LYPD6B: variants seen among roughly 807,000 people sequenced by gnomAD.
LYPD6B encodes the protein LY6/PLAUR domain containing 6B.
LYPD6B carries 17 observed loss-of-function variants against 22.8 expected under a neutral mutation model. The ratio of observed to expected loss-of-function variants is 0.75; its 90% confidence interval spans 0.51 to 1.12. The LOEUF (loss-of-function observed/expected upper bound fraction) is 1.12, where lower values mean the gene tolerates loss of function less well. Ranked by LOEUF, LYPD6B falls within the 50% of genes most tolerant of loss-of-function variation. The pLI, the probability that LYPD6B is intolerant of heterozygous loss-of-function variation, is 0.00. For synonymous variants in LYPD6B, 106 were observed against 91.6 expected, an observed-to-expected ratio of 1.16 and a Z score of -0.90; for missense variants, 221 against 258.3, an observed-to-expected ratio of 0.86 and a Z score of 0.99.
intron 1 of LYPD6B, among the ~76,000 whole-genome samples, chr2:149,039,838 G>A (rs146600495): frequency 3.9e-5 from 6 of 152,294 alleles, no homozygotes; most frequent in Admixed American, 3.9e-4. Context: ...GCAGATGGAG[G>A]GGGTGTTGTC....
At chr2:149,202,521 G>T (rs767118689) in intron 3 of LYPD6B, among the ~76,000 whole-genome samples, 25 of 152,154 alleles carry the variant, frequency 1.6e-4, no homozygotes, top group Non-Finnish European at 3.4e-4. Context: ...CCTTGTCTGT[G>T]TAAAGTAGCA....
At chr2:149,059,748 A>G (rs1385701031) in intron 1 of LYPD6B, among the ~76,000 whole-genome samples, 2 of 152,192 alleles carry the variant, frequency 1.3e-5, no homozygotes, top group Non-Finnish European at 2.9e-5. Flanking sequence ...CTACTCAGAC[A>G]AGAGCTGAGC....
intron 2 of LYPD6B, among the ~76,000 whole-genome samples, chr2:149,149,223 T>C (rs141065764): frequency 1.2e-4 from 18 of 152,312 alleles, no homozygotes; most frequent in Admixed American, 6.5e-4. Flanking sequence ...ACCAACCTAA[T>C]AGAAAGAACT....
rs1454802925 is a variant in LYPD6B, at chr2:149,175,061, C to CTCTCTCTCTGTGTGTG, written c.77+14227_77+14228insCTCTCTCTGTGTGTGT. On this transcript the variant is annotated intron_variant, in intron 3 of 6. Coordinates refer to ENST00000409642, the MANE Select transcript of LYPD6B (RefSeq NM_177964.5). ...TCTCTCTCTCTCTCTCTCTCTCTCT[C>CTCTCTCTCTGTGTGTG]TGTGTGTGTGTGTGTGTGTGTGTGT... Among the ~76,000 whole-genome samples, 861 of 112,902 alleles carry CTCTCTCTCTGTGTGTG rather than the reference C, an allele frequency of 7.6e-3. 9 individuals are homozygous for CTCTCTCTCTGTGTGTG. Among genetic ancestry groups the CTCTCTCTCTGTGTGTG allele is most frequent in the Non-Finnish European group, 0.012 (681 of 54,874 alleles). 74.1% of individuals were successfully genotyped at this position (112,902 alleles called of 152,430 possible).
intron 3 of LYPD6B, among the ~76,000 whole-genome samples, chr2:149,175,057 C>CTGTGTGTGTGTGTG (rs1480516583): frequency 7.9e-6 from 1 of 127,386 alleles, no homozygotes; most frequent in African/African-American, 2.8e-5. Flanking sequence ...CTCTCTCTCT[C>CTGTGTGTGTGTGTG]TCTCTGTGTG....
chr2:149,164,774 G>T (rs1160893118), intron 3 of LYPD6B, among the ~76,000 whole-genome samples: 3 of 152,154 alleles, frequency 2.0e-5, no homozygotes, highest in Non-Finnish European at 2.9e-5. Flanking sequence ...TAAGAGCTTG[G>T]AAACACCTTG....
At chr2:149,041,098 C>CA (rs552623435) in intron 1 of LYPD6B, among the ~76,000 whole-genome samples, 2,812 of 110,300 alleles carry the variant, frequency 0.025, 101 homozygotes, top group African/African-American at 0.09. Flanking sequence ...GACTCCGTCT[C>CA]AAAAAAAAAA....
At chr2:149,147,796 G>T (rs927246472) in intron 2 of LYPD6B, among the ~76,000 whole-genome samples, 2 of 152,132 alleles carry the variant, frequency 1.3e-5, no homozygotes, top group East Asian at 3.8e-4. Context: ...TTATAGGTGT[G>T]AGCCACTGCG....
intron 2 of LYPD6B, among the ~76,000 whole-genome samples, chr2:149,160,143 T>G (rs1374128054): frequency 6.6e-6 from 1 of 151,980 alleles, no homozygotes; most frequent in African/African-American, 2.4e-5. Flanking sequence ...CAGAGTGAGA[T>G]CCCATCTCTT....
At chr2:149,106,378 A>C (rs1388686357) in intron 1 of LYPD6B, among the ~76,000 whole-genome samples, 2 of 152,142 alleles carry the variant, frequency 1.3e-5, no homozygotes, top group Non-Finnish European at 2.9e-5. Context: ...CATTTGGTAG[A>C]ATTTGCCAGT....
At position 149,048,050 on chromosome 2, in the gene LYPD6B, C is replaced by T. The variant is rs1482777; in HGVS notation, c.-67+9249C>T. ...TTCAGATTGTCTACCCTTTCCACTA[C>T]GGACTTTTATAATTAATTTTGGTTA... On this transcript the variant is annotated intron_variant, in intron 1 of 6. Transcript: ENST00000409642. Among the ~76,000 whole-genome samples, 962 of 152,260 alleles carry T rather than the reference C, an allele frequency of 6.3e-3. 16 individuals are homozygous for T. Among genetic ancestry groups the T allele is most frequent in the African/African-American group, 0.021 (881 of 41,552 alleles).
intron 5 of LYPD6B, among the ~76,000 whole-genome samples, chr2:149,211,015 G>A (rs1251214913): frequency 6.6e-6 from 1 of 152,178 alleles, no homozygotes. Context: ...TGGCTTCTGG[G>A]GAGGGCTCAG....
chr2:149,191,026 T>A (rs1692454150), intron 3 of LYPD6B, among the ~76,000 whole-genome samples: 1 of 152,136 alleles, frequency 6.6e-6, no homozygotes, highest in Non-Finnish European at 1.5e-5. Flanking sequence ...ATACATTTTA[T>A]CATGAACAAT....
Position 149,212,380 on chromosome 2 carries a change from CAAAAAA to C in LYPD6B, c.329-593_329-588del, listed in dbSNP as rs386391473. Among the ~76,000 whole-genome samples, 53 of 60,120 alleles carry C rather than the reference CAAAAAA, an allele frequency of 8.8e-4. 1 individual carries two copies. The highest frequency in any genetic ancestry group is 2.9e-3 in the African/African-American group (38 of 13,324). 39.4% of individuals were successfully genotyped at this position (60,120 alleles called of 152,430 possible). On this transcript the variant is annotated intron_variant, in intron 5 of 6. Transcript: ENST00000409642. ...CTGGGGACAGAGTAAGACTCCGTCT[CAAAAAA>C]AAAAAAAAAAAAAAAAAAGAAATTA...
intron 1 of LYPD6B, among the ~76,000 whole-genome samples, chr2:149,064,033 C>T (rs1402857888): frequency 1.3e-5 from 2 of 152,194 alleles, no homozygotes; most frequent in Non-Finnish European, 2.9e-5. Context: ...TAATAGCTAC[C>T]ATTTATTGAA....
intron 1 of LYPD6B, among the ~76,000 whole-genome samples, chr2:149,063,890 T>C (rs1216448335): frequency 3.9e-5 from 6 of 152,218 alleles, no homozygotes; most frequent in Admixed American, 6.5e-5. Context: ...TTAAAACTTC[T>C]ATATAAAAGA....
At position 149,157,153 on chromosome 2, in the gene LYPD6B, C is replaced by A. The variant is rs547996498; in HGVS notation, c.6-3611C>A. 2.0e-5 allele frequency among the ~76,000 whole-genome samples: 3 copies of A among 152,230 alleles called. No homozygotes were observed. In the South Asian group the frequency reaches 6.2e-4, roughly 32 times the overall value. Reference sequence around the variant, plus strand: ...GCTCCTGATTAGGCTAGCTTGAGATCCTTTGTATTAGCATCCTAGTTTCAG... The same window carrying A: ...GCTCCTGATTAGGCTAGCTTGAGATACTTTGTATTAGCATCCTAGTTTCAG... On this transcript the variant is annotated intron_variant, in intron 2 of 6. Coordinates refer to ENST00000409642, the MANE Select transcript of LYPD6B (RefSeq NM_177964.5).
chr2:149,205,366 A>G lies in LYPD6B; in HGVS notation c.191A>G (p.Lys64Arg), dbSNP rs571544616. The G allele has an allele frequency of 2.4e-5, 39 of 1,614,010 alleles. No individual in the cohort carries two copies. In the African/African-American group the frequency reaches 3.3e-4, roughly 14 times the overall value. ...TTCTCAGAAAGCTGGGCATTTGCCA[A>G]GAACATCAACTTCTATAATGTGAGG... ...VIFSESWAFAKNINFYNVRPP... is the reference protein window; with the variant it reads ...VIFSESWAFARNINFYNVRPP... Residue 64 changes from lysine to arginine, a missense_variant, in exon 4 of 7, where the codon AAG becomes AGG. Coordinates refer to ENST00000409642, the MANE Select transcript of LYPD6B (RefSeq NM_177964.5).
chr2:149,160,500 A>T (rs1410944773), intron 2 of LYPD6B: 4 of 572,404 alleles, frequency 7.0e-6, no homozygotes, highest in African/African-American at 3.7e-5. Flanking sequence ...TTCACCAATT[A>T]TTACCATTCT....
Sources: allele counts gnomAD v4.1 joint callset (sites outside exome capture counted in the v4.1 genomes callset), GRCh38; gene constraint gnomAD v4.1.1; transcripts MANE v1.5; gene names NCBI Gene and HGNC (gene_info 2026-07-23, HGNC 2026-07-21).